The following UGGT2 variants were observed in gnomAD, a reference collection of about 807,000 sequenced individuals.
The protein encoded by UGGT2 is UDP-glucose:glycoprotein glucosyltransferase 2.
Under a neutral mutation model 192.1 loss-of-function variants are expected in UGGT2, and 180 were observed. The ratio of observed to expected loss-of-function variants is 0.94; its 90% CI spans 0.83 to 1.06. The LOEUF is 1.06. Among genes scored for constraint, UGGT2 ranks in the 50% least tolerant of loss-of-function variants. UGGT2 has a pLI of 0.00. For missense variants in UGGT2, 1,849 were observed against 1,795.7 expected, an observed-to-expected ratio of 1.03 and a Z score of -0.54; for synonymous variants, 580 against 591.0, an observed-to-expected ratio of 0.98 and a Z score of 0.27.
intron 10 of UGGT2, chr13:95,983,427 T>A (rs2051189906): frequency 3.5e-6 from 1 of 287,334 alleles, no homozygotes; most frequent in African/African-American, 2.2e-5. Flanking sequence ...ACTGATAAAT[T>A]GTATTCTATC....
chr13:95,866,767 T>C (rs1890697123), intron 30 of UGGT2, among the ~76,000 whole-genome samples: 3 of 152,164 alleles, frequency 2.0e-5, no homozygotes. Flanking sequence ...AGGACAATAG[T>C]AGCTTCCTTG....
intron 12 of UGGT2, among the ~76,000 whole-genome samples, chr13:95,961,199 C>T (rs185491528): frequency 6.6e-6 from 1 of 151,852 alleles, no homozygotes; most frequent in Non-Finnish European, 1.5e-5. Flanking sequence ...ACAGAGAACA[C>T]ACAAAATAAA....
At chr13:95,902,274 C>T (rs775927461) in intron 21 of UGGT2, among the ~76,000 whole-genome samples, 4 of 152,016 alleles carry the variant, frequency 2.6e-5, no homozygotes, top group Non-Finnish European at 5.9e-5. Context: ...CTCTTTTTGT[C>T]CTCGACCCTT....
intron 2 of UGGT2, among the ~76,000 whole-genome samples, chr13:96,027,451 C>T (rs560584517): frequency 6.6e-6 from 1 of 152,174 alleles, no homozygotes; most frequent in South Asian, 2.1e-4. Flanking sequence ...CCATGCTCAC[C>T]AACCACCTGC....
intron 20 of UGGT2, among the ~76,000 whole-genome samples, chr13:95,919,713 A>G (rs919040371): frequency 1.3e-5 from 2 of 152,210 alleles, no homozygotes; most frequent in East Asian, 3.8e-4. Context: ...GAGGACACAA[A>G]CAAATGGAAA....
At chr13:95,823,812 T>C (rs190918589) in intron 38 of UGGT2, among the ~76,000 whole-genome samples, 3 of 151,758 alleles carry the variant, frequency 2.0e-5, no homozygotes, top group East Asian at 1.9e-4. Flanking sequence ...AGTTGTTACC[T>C]AGATAAACTG....
At chr13:95,942,220 G>GT (rs2049706748) in intron 15 of UGGT2, among the ~76,000 whole-genome samples, 4 of 75,564 alleles carry the variant, frequency 5.3e-5, no homozygotes, top group African/African-American at 1.8e-4. Flanking sequence ...CTTAGGGTGA[G>GT]GGTGTGTGTG....
At chr13:95,939,591 A>G (rs2049593240) in intron 16 of UGGT2, among the ~76,000 whole-genome samples, 1 of 149,970 alleles carries the variant, frequency 6.7e-6, no homozygotes. Context: ...TGACATTTTG[A>G]TATTAATATA....
At chr13:95,886,793 A>G (rs888039252) in intron 26 of UGGT2, among the ~76,000 whole-genome samples, 3 of 152,274 alleles carry the variant, frequency 2.0e-5, no homozygotes, top group East Asian at 3.9e-4. Flanking sequence ...CTATAATCCC[A>G]GCACTTTGAG....
intron 9 of UGGT2, among the ~76,000 whole-genome samples, chr13:95,984,740 G>C (rs531133147): frequency 2.0e-5 from 3 of 151,978 alleles, no homozygotes; most frequent in Non-Finnish European, 4.4e-5. Context: ...AACATGACTA[G>C]CTTTTACAAA....
At chr13:95,899,132 A>C (rs571366545) in intron 22 of UGGT2, among the ~76,000 whole-genome samples, 4 of 152,186 alleles carry the variant, frequency 2.6e-5, no homozygotes, top group Non-Finnish European at 5.9e-5. Context: ...ACCATGTAAA[A>C]ACAGAGCAAC....
chr13:95,841,753 AC>A (rs1887890757), intron 36 of UGGT2, among the ~76,000 whole-genome samples: 1 of 152,204 alleles, frequency 6.6e-6, no homozygotes. Flanking sequence ...TAACTTAAAA[AC>A]ATTGCCTAAT....
intron 24 of UGGT2, among the ~76,000 whole-genome samples, chr13:95,892,241 T>C (rs985229861): frequency 5.2e-4 from 79 of 152,272 alleles, no homozygotes; most frequent in African/African-American, 1.8e-3. Context: ...CAGAATTCCA[T>C]AGTCCCCACC....
rs9671062 is a variant in UGGT2 at position 95,929,045 on chromosome 13, C to T, written c.1978-1709G>A. Among the ~76,000 whole-genome samples, 479 of 152,190 alleles carry T rather than the reference C, an allele frequency of 3.1e-3. 3 individuals carry two copies. Among genetic ancestry groups the T allele is most frequent in the African/African-American group, 0.011 (457 of 41,526 alleles). On this transcript the variant is annotated intron_variant, in intron 17 of 38. Coordinates refer to ENST00000376747, the MANE Select transcript of UGGT2 (RefSeq NM_020121.4). ...CCGTCTCCACCAAAAAATACGAAAA[C>T]CAGTCAGGCGTGGCGGCGCGCGCCT...
rs765190350 is a variant in UGGT2, at chr13:95,884,495, T to C, written c.3224A>G (p.Lys1075Arg). The change falls in exon 27 of 39, where the codon AAG (lysine) becomes AGG (arginine). Residue 1075 changes from lysine to arginine, a missense_variant. Transcript: ENST00000376747. Reference protein sequence around the residue: ...SNCDLDNIHLKDTEKTVTAEY... With the variant: ...SNCDLDNIHLRDTEKTVTAEY... ...TGACTATACACAATAACTTACATCC[T>C]TTAAGTGAATATTATCAAGGTCACA... 8 of 1,609,668 alleles carry C rather than the reference T, an allele frequency of 5.0e-6. No individual in the cohort carries two copies. Among genetic ancestry groups the C allele is most frequent in the Non-Finnish European group, 6.8e-6 (8 of 1,178,218 alleles).
chr13:95,861,446 G>A (rs140613332), intron 31 of UGGT2, among the ~76,000 whole-genome samples: 100 of 152,170 alleles, frequency 6.6e-4, no homozygotes, highest in African/African-American at 2.3e-3. Context: ...GACAAAGAAA[G>A]CACTAGGGAA....
chr13:95,894,534 T>G, intron 24 of UGGT2, 28 bp downstream of exon 24: 1 of 1,576,714 alleles, frequency 6.3e-7, no homozygotes, highest in Non-Finnish European at 8.7e-7. Flanking sequence ...AACAGAAAAA[T>G]CACAAACAAA....
Position 95,940,044 on chromosome 13 carries a change from A to G in UGGT2, c.1725T>C (p.Asn575=). 6.3e-7 allele frequency: 1 copy of G among 1,586,636 alleles called. No individual in the cohort carries two copies. ...KKDQNILTVD[N]VKSVLQNTFP... Reference sequence around the variant, plus strand: ...ATGTATTTTGGAGAACACTCTTCACATTGTCCACAGTGAGTATATTTTGAT... The same window carrying G: ...ATGTATTTTGGAGAACACTCTTCACGTTGTCCACAGTGAGTATATTTTGAT... Residue 575 remains asparagine (N), a synonymous_variant, in exon 16 of 39, where the codon AAT becomes AAC. Transcript: ENST00000376747.
chr13:95,840,883 G>A (rs1366130105), intron 36 of UGGT2, among the ~76,000 whole-genome samples: 7 of 152,180 alleles, frequency 4.6e-5, no homozygotes, highest in Non-Finnish European at 8.8e-5. Context: ...AAAAAAGAAT[G>A]AGTTCATGTC....
Sources: allele counts gnomAD v4.1 joint callset (sites outside exome capture counted in the v4.1 genomes callset), GRCh38; gene constraint gnomAD v4.1.1; transcripts MANE v1.5; gene names NCBI Gene and HGNC (gene_info 2026-07-23, HGNC 2026-07-21).